The following ARHGAP6 variants were observed in gnomAD, a reference collection of about 807,000 sequenced individuals.
ARHGAP6 encodes the protein Rho GTPase activating protein 6, also known as rho GTPase-activating protein 6.
Under a neutral mutation model 55.7 loss-of-function variants are expected in ARHGAP6, and 16 were observed. That is an observed-to-expected ratio of 0.29 (90% CI 0.19 to 0.44). ARHGAP6 has a LOEUF of 0.44. Among genes scored for constraint, ARHGAP6 ranks in the 20% least tolerant of loss-of-function variants. ARHGAP6 has a pLI of 1.00. For missense variants in ARHGAP6, 698 were observed against 808.9 expected (o/e 0.86, Z 1.66); for synonymous variants, 382 against 360.9 (o/e 1.06, Z -0.66).
rs746779301 is a variant in ARHGAP6, at chrX:11,205,022, C to T, written c.749-8026G>A. Among the ~76,000 whole-genome samples the T allele has an allele frequency of 6.3e-5, 7 of 110,839 alleles. No homozygotes were observed. In the South Asian group the frequency reaches 2.4e-3, roughly 37 times the overall value. ...ATATCATGGGGAGATTGGTATAATA[C>T]GTTGAATGTCCAGCACAGAGTAGAT... On this transcript the variant is annotated intron_variant, in intron 2 of 12. Coordinates refer to ENST00000337414, the MANE Select transcript of ARHGAP6 (RefSeq NM_013427.3).
At chrX:11,345,538 T>C (rs1052710741) in intron 1 of ARHGAP6, among the ~76,000 whole-genome samples, 4 of 112,361 alleles carry the variant, frequency 3.6e-5, no homozygotes, top group African/African-American at 1.3e-4. Context: ...TAAAATCAGT[T>C]TGAACAAAGC....
chrX:11,218,613 G>T (rs2046915119), intron 2 of ARHGAP6, among the ~76,000 whole-genome samples: 1 of 111,266 alleles, frequency 9.0e-6, no homozygotes, highest in East Asian at 2.8e-4. Context: ...TGGTTGGTAG[G>T]CTATTAATTA....
chrX:11,418,335 G>T, intron 1 of ARHGAP6, among the ~76,000 whole-genome samples: 1 of 112,156 alleles, frequency 8.9e-6, no homozygotes, highest in African/African-American at 3.2e-5. Flanking sequence ...ATACTTAGCT[G>T]CAACCATTCC....
At chrX:11,358,559 T>G (rs1176140983) in intron 1 of ARHGAP6, among the ~76,000 whole-genome samples, 1 of 107,105 alleles carries the variant, frequency 9.3e-6, no homozygotes, top group East Asian at 2.9e-4. Flanking sequence ...AGCTCACCGC[T>G]ACCTCTGCCT....
intron 1 of ARHGAP6, among the ~76,000 whole-genome samples, chrX:11,405,145 G>A (rs1242562515): frequency 9.0e-6 from 1 of 111,590 alleles, no homozygotes; most frequent in Non-Finnish European, 1.9e-5. Context: ...CTTCTTCATT[G>A]CTGCTCTCTT....
chrX:11,631,248 G>C (rs1426143727), intron 1 of ARHGAP6, among the ~76,000 whole-genome samples: 1 of 111,364 alleles, frequency 9.0e-6, no homozygotes, highest in Non-Finnish European at 1.9e-5. Context: ...AAATGGGCTG[G>C]GCACAGTGGC....
At chrX:11,585,570 T>C (rs1349662063) in intron 1 of ARHGAP6, among the ~76,000 whole-genome samples, 1 of 112,720 alleles carries the variant, frequency 8.9e-6, no homozygotes, top group Non-Finnish European at 1.9e-5. Context: ...TGGCCACATG[T>C]ATGTGTTCTT....
At chrX:11,363,336 A>C (rs754613883) in intron 1 of ARHGAP6, among the ~76,000 whole-genome samples, 1 of 112,289 alleles carries the variant, frequency 8.9e-6, no homozygotes, top group Non-Finnish European at 1.9e-5. Flanking sequence ...GTTCCACCAC[A>C]CAAAACAGTC....
intron 1 of ARHGAP6, among the ~76,000 whole-genome samples, chrX:11,270,602 C>CATGAAAGAGATGTTTTAGGAAAG (rs2047680846): frequency 9.0e-6 from 1 of 111,729 alleles, no homozygotes; most frequent in Non-Finnish European, 1.9e-5. Context: ...GGTGTAACAC[C>CATGAAAGAGATGTTTTAGGAAAG]ATGAAAGAGA....
chrX:11,311,806 A>C (rs2048304666), intron 1 of ARHGAP6, among the ~76,000 whole-genome samples: 1 of 111,682 alleles, frequency 9.0e-6, no homozygotes, highest in African/African-American at 3.3e-5. Flanking sequence ...ATAGATGTCA[A>C]AAAATAAAAC....
At chrX:11,501,658 C>A (rs1218546005) in intron 1 of ARHGAP6, among the ~76,000 whole-genome samples, 6 of 111,358 alleles carry the variant, frequency 5.4e-5, no homozygotes, top group African/African-American at 2.0e-4. Context: ...CATAAACAGT[C>A]GATTAACACT....
intron 1 of ARHGAP6, among the ~76,000 whole-genome samples, chrX:11,656,598 T>C (rs2052639970): frequency 9.0e-6 from 1 of 111,477 alleles, no homozygotes; most frequent in Admixed American, 9.5e-5. Context: ...GCCAGAAGTG[T>C]AGCATCTTCA....
intron 2 of ARHGAP6, among the ~76,000 whole-genome samples, chrX:11,236,359 G>T (rs1423052183): frequency 9.0e-6 from 1 of 111,377 alleles, no homozygotes; most frequent in Non-Finnish European, 1.9e-5. Flanking sequence ...CCTCCCACTG[G>T]GTCCCTCCCA....
intron 1 of ARHGAP6, among the ~76,000 whole-genome samples, chrX:11,438,284 A>G (rs958764478): frequency 4.4e-5 from 5 of 112,441 alleles, no homozygotes; most frequent in Non-Finnish European, 9.4e-5. Flanking sequence ...AAACCCATGG[A>G]ACCATCCATG....
intron 3 of ARHGAP6, among the ~76,000 whole-genome samples, chrX:11,194,651 C>T (rs1007394594): frequency 2.7e-5 from 3 of 112,228 alleles, no homozygotes; most frequent in Admixed American, 9.4e-5. Flanking sequence ...TCACAATACA[C>T]AGGACAGCCC....
intron 1 of ARHGAP6, among the ~76,000 whole-genome samples, chrX:11,481,717 T>A (rs150457166): frequency 1.8e-5 from 2 of 112,738 alleles, no homozygotes; most frequent in African/African-American, 6.4e-5. Flanking sequence ...TACTAAAACA[T>A]TGTTTGTTTT....
intron 1 of ARHGAP6, among the ~76,000 whole-genome samples, chrX:11,599,013 A>C (rs2051938022): frequency 9.0e-6 from 1 of 111,444 alleles, no homozygotes; most frequent in Non-Finnish European, 1.9e-5. Context: ...AGTTGTGATC[A>C]TGATACTGCA....
chrX:11,499,247 G>A (rs1214368986), intron 1 of ARHGAP6, among the ~76,000 whole-genome samples: 2 of 112,066 alleles, frequency 1.8e-5, no homozygotes, highest in Non-Finnish European at 3.8e-5. Context: ...CTAATACATT[G>A]AGTCAAGCTG....
At chrX:11,506,734 T>G (rs1429281119) in intron 1 of ARHGAP6, among the ~76,000 whole-genome samples, 2 of 111,803 alleles carry the variant, frequency 1.8e-5, no homozygotes, top group South Asian at 3.8e-4. Flanking sequence ...GCATGATTTA[T>G]AATCCTTTGG....
Sources: allele counts gnomAD v4.1 joint callset (sites outside exome capture counted in the v4.1 genomes callset), GRCh38; gene constraint gnomAD v4.1.1; transcripts MANE v1.5; gene names NCBI Gene and HGNC (gene_info 2026-07-23, HGNC 2026-07-21).